Variants in ATAD2B observed in about 807,000 individuals in gnomAD.
ATAD2B encodes the protein ATPase family AAA domain-containing protein 2B.
A neutral mutation model predicts 167.6 loss-of-function variants in ATAD2B; 40 were observed. The observed-to-expected ratio is 0.24, with a 90% CI of 0.19 to 0.31. The LOEUF (loss-of-function observed/expected upper bound fraction) is 0.31. Ranked by LOEUF, ATAD2B falls within the 10% of genes least tolerant of loss-of-function variation. The probability of loss-of-function intolerance (pLI) is 1.00; values close to 1 mark genes in which losing one functional copy is unlikely to be tolerated. For missense variants in ATAD2B, 1,242 were observed against 1,757.2 expected (o/e 0.71, Z 5.24); for synonymous variants, 579 against 596.5 (o/e 0.97, Z 0.43).
intron 15 of ATAD2B, among the ~76,000 whole-genome samples, chr2:23,825,129 T>TTTA (rs1688053550): frequency 6.7e-6 from 1 of 149,704 alleles, no homozygotes; most frequent in Non-Finnish European, 1.5e-5. Flanking sequence ...TTTTTTTTTT[T>TTTA]TGTAGAGATA....
chr2:23,761,350 T>C (rs1161351376), intron 24 of ATAD2B, among the ~76,000 whole-genome samples: 1 of 152,250 alleles, frequency 6.6e-6, no homozygotes, highest in Non-Finnish European at 1.5e-5. Flanking sequence ...TAGTTCAGGT[T>C]GAGTATCCAA....
chr2:23,873,926 C>G (rs1696386455), intron 8 of ATAD2B, among the ~76,000 whole-genome samples: 1 of 152,170 alleles, frequency 6.6e-6, no homozygotes. Flanking sequence ...GTGGCTCATG[C>G]CTGGAATCCC....
downstream of ATAD2B, among the ~76,000 whole-genome samples, chr2:23,745,420 G>GGAAGGAAGGAAGGAA (rs1485141806): frequency 4.0e-5 from 5 of 125,352 alleles, no homozygotes; most frequent in Non-Finnish European, 6.7e-5. Flanking sequence ...AAGGAAGGAA[G>GGAAGGAAGGAAGGAA]GAAAGGGAAG....
At chr2:23,705,732 A>T in the ATAD2B span, among the ~76,000 whole-genome samples, 1 of 152,198 alleles carries the variant, frequency 6.6e-6, no homozygotes, top group Non-Finnish European at 1.5e-5. Context: ...AATGTCAGGG[A>T]ATAGCCAGGA....
chr2:23,866,411 C>CA lies in ATAD2B; in HGVS notation c.1188+1423dup, dbSNP rs1007581048. Among the ~76,000 whole-genome samples the CA allele has an allele frequency of 4.0e-5, 6 of 149,152 alleles. No individual in the cohort carries two copies. In the South Asian group the frequency reaches 6.3e-4, roughly 16 times the overall value. On this transcript the variant is annotated intron_variant, in intron 10 of 27. Transcript: ENST00000238789. ...CAAGAGCGAAACTCCATCTCAAAAA[C>CA]AAAAAAAAGAGAAAAAGAATTTAGT...
At chr2:23,913,627 G>A (rs903731814) in intron 1 of ATAD2B, among the ~76,000 whole-genome samples, 3 of 144,234 alleles carry the variant, frequency 2.1e-5, no homozygotes, top group Admixed American at 7.0e-5. Context: ...GCAACAGAGC[G>A]AGACTCTCTT....
chr2:23,904,665 C>T (rs773881202), intron 1 of ATAD2B, among the ~76,000 whole-genome samples: 1 of 148,908 alleles, frequency 6.7e-6, no homozygotes, highest in Admixed American at 6.8e-5. Flanking sequence ...CTCAAAGAGA[C>T]AAAGAAAAAA....
chr2:23,906,191 A>AG (rs932874536), intron 1 of ATAD2B, among the ~76,000 whole-genome samples: 1 of 151,864 alleles, frequency 6.6e-6, no homozygotes, highest in African/African-American at 2.4e-5. Flanking sequence ...ACAAAAAAAA[A>AG]TTGGCCGGGT....
chr2:23,774,826 G>A (rs1351900343), intron 22 of ATAD2B, among the ~76,000 whole-genome samples: 2 of 152,198 alleles, frequency 1.3e-5, no homozygotes, highest in African/African-American at 2.4e-5. Context: ...CTTGAACCCG[G>A]GAGGCGGGGA....
intron 19 of ATAD2B, among the ~76,000 whole-genome samples, chr2:23,794,000 G>A (rs989068057): frequency 1.3e-5 from 2 of 151,900 alleles, no homozygotes; most frequent in African/African-American, 2.4e-5. Context: ...AAAATTTAGC[G>A]AGAAAAGTGG....
At chr2:23,872,681 G>C in intron 8 of ATAD2B, 1 of 1,321,342 alleles carries the variant, frequency 7.6e-7, no homozygotes, top group Non-Finnish European at 1.1e-6. Context: ...CTTCACCTGG[G>C]CCTCACCATG....
At chr2:23,787,207 G>A (rs1481035624) in intron 20 of ATAD2B, among the ~76,000 whole-genome samples, 2 of 151,908 alleles carry the variant, frequency 1.3e-5, no homozygotes, top group Admixed American at 6.6e-5. Context: ...TAATTACAAC[G>A]TTCTCTAATT....
At chr2:23,734,560 T>G in the ATAD2B span, among the ~76,000 whole-genome samples, 1 of 152,084 alleles carries the variant, frequency 6.6e-6, no homozygotes, top group African/African-American at 2.4e-5. Flanking sequence ...CTTACAAACA[T>G]GGCAAAGATG....
At chr2:23,829,274 T>C (rs1190242555) in intron 14 of ATAD2B, among the ~76,000 whole-genome samples, 1 of 152,220 alleles carries the variant, frequency 6.6e-6, no homozygotes, top group Non-Finnish European at 1.5e-5. Flanking sequence ...TTTTCCACCA[T>C]ACCACTTTTA....
At position 23,782,942 on chromosome 2, in the gene ATAD2B, T is replaced by C; in HGVS notation, c.3060A>G (p.Ala1020=). 6.2e-7 allele frequency: 1 copy of C among 1,608,662 alleles called. No individual in the cohort carries two copies. Among genetic ancestry groups the C allele is most frequent in the Non-Finnish European group, 8.5e-7 (1 of 1,175,448 alleles). The change falls in exon 22 of 28, where the codon GCA becomes GCG. Residue 1020 remains alanine (A), a synonymous_variant. Transcript: ENST00000238789. ...TKIDKHNYLT[A]KDFLKDIDLI... The stretch of plus-strand genomic sequence containing the variant: ...GGTCAATATCTTTCAGGAAATCCTT[T>C]GCAGTCAGGTAATTATGTTTATCAA...
intron 7 of ATAD2B, among the ~76,000 whole-genome samples, chr2:23,877,988 C>T (rs1358009068): frequency 1.9e-5 from 2 of 104,414 alleles, no homozygotes; most frequent in African/African-American, 3.4e-5. Context: ...CCAATGCACT[C>T]CAGCCTGGAT....
intron 22 of ATAD2B, among the ~76,000 whole-genome samples, chr2:23,781,583 T>C (rs1213292702): frequency 6.6e-6 from 1 of 151,896 alleles, no homozygotes; most frequent in Non-Finnish European, 1.5e-5. Flanking sequence ...GAGAATCACT[T>C]GAACCCAGGA....
chr2:23,749,157 T>G lies in ATAD2B; in HGVS notation c.*2889A>C, dbSNP rs555221377. ...ACATTGGCTTATGAGAAAAATCAAGTCATGAAACAACATTAAAAAAAAAAA... is the reference window on the plus strand; with the variant it reads ...ACATTGGCTTATGAGAAAAATCAAGGCATGAAACAACATTAAAAAAAAAAA... On this transcript the variant is annotated 3_prime_UTR_variant, in exon 28 of 28. Transcript: ENST00000238789. 1 of 151,168 alleles carries G rather than the reference T, an allele frequency of 6.6e-6. No homozygotes were observed. Among genetic ancestry groups the G allele is most frequent in the African/African-American group, 2.4e-5 (1 of 41,170 alleles). 9.4% of individuals were successfully genotyped at this position (151,168 alleles called of 1,614,324 possible).
chr2:23,829,105 A>G (rs1436593962), intron 14 of ATAD2B, among the ~76,000 whole-genome samples, 166 bp from the exon 15 acceptor site: 1 of 152,208 alleles, frequency 6.6e-6, no homozygotes, highest in Non-Finnish European at 1.5e-5. Context: ...GTCTACATCA[A>G]CTCTGATTCC....
Sources: allele counts gnomAD v4.1 joint callset (sites outside exome capture counted in the v4.1 genomes callset), GRCh38; gene constraint gnomAD v4.1.1; transcripts MANE v1.5; gene names NCBI Gene and HGNC (gene_info 2026-07-23, HGNC 2026-07-21).